The following CRADD variants were observed in gnomAD, a reference collection of about 807,000 sequenced individuals.
CRADD encodes the protein CARD and death domain containing adaptor protein, also known as death domain-containing protein CRADD.
A neutral mutation model predicts 15.5 loss-of-function variants in CRADD; 9 were observed. The ratio of observed to expected loss-of-function variants is 0.58; its 90% CI spans 0.35 to 1.01. The LOEUF (loss-of-function observed/expected upper bound fraction) is 1.01, where lower values mean the gene tolerates loss of function less well. Among genes scored for constraint, CRADD ranks in the 50% least tolerant of loss-of-function variants. The probability of loss-of-function intolerance (pLI) is 0.02; values close to 1 mark genes in which losing one functional copy is unlikely to be tolerated. For synonymous variants in CRADD, 118 were observed against 107.6 expected, an observed-to-expected ratio of 1.10 and a Z score of -0.60; for missense variants, 227 against 250.3, an observed-to-expected ratio of 0.91 and a Z score of 0.63.
At chr12:93,842,827 A>C (rs1382928625) in intron 2 of CRADD, among the ~76,000 whole-genome samples, 1 of 119,008 alleles carries the variant, frequency 8.4e-6, no homozygotes. Flanking sequence ...GGTGGGGGAG[A>C]GTAGGGGGAG....
chr12:93,677,789 C>G (rs764758359), intron 1 of CRADD: 1 of 152,348 alleles, frequency 6.6e-6, no homozygotes, highest in Non-Finnish European at 1.5e-5. Flanking sequence ...ACGTGAACAC[C>G]TCCCCTCCTC....
chr12:93,796,685 A>G (rs1447765808), intron 2 of CRADD, among the ~76,000 whole-genome samples: 1 of 151,462 alleles, frequency 6.6e-6, no homozygotes, highest in South Asian at 2.1e-4. Flanking sequence ...AAACATTTCT[A>G]TGGGGCTAGA....
chr12:93,733,432 A>C (rs1956505424), intron 2 of CRADD: 1 of 152,292 alleles, frequency 6.6e-6, no homozygotes, highest in Admixed American at 6.5e-5. Context: ...GAGGAAGAAG[A>C]AGCAGGAAAA....
chr12:93,866,106 A>G (rs1409486118), intron 2 of CRADD, among the ~76,000 whole-genome samples: 3 of 152,168 alleles, frequency 2.0e-5, no homozygotes, highest in Admixed American at 2.0e-4. Flanking sequence ...AAATTTCACA[A>G]TGATATGTTT....
At chr12:93,694,451 A>G (rs1955651884) in intron 2 of CRADD, among the ~76,000 whole-genome samples, 1 of 152,140 alleles carries the variant, frequency 6.6e-6, no homozygotes, top group Non-Finnish European at 1.5e-5. Flanking sequence ...ACTCAACATA[A>G]TACTGGAGGT....
intron 2 of CRADD, among the ~76,000 whole-genome samples, chr12:93,775,204 A>G (rs1243898037): frequency 6.6e-6 from 1 of 152,246 alleles, no homozygotes; most frequent in Non-Finnish European, 1.5e-5. Context: ...CCTTCCAGAT[A>G]CAGCTCAAAC....
At chr12:93,741,222 A>G (rs2136928381) in intron 2 of CRADD, among the ~76,000 whole-genome samples, 1 of 152,338 alleles carries the variant, frequency 6.6e-6, no homozygotes, top group South Asian at 2.1e-4. Context: ...CATTGCTTTA[A>G]GATGAGTTTT....
At chr12:93,840,851 C>A (rs1279385394) in intron 2 of CRADD, among the ~76,000 whole-genome samples, 1 of 152,094 alleles carries the variant, frequency 6.6e-6, no homozygotes, top group East Asian at 1.9e-4. Flanking sequence ...TTCTTTATAG[C>A]ACTGGTCAGG....
At chr12:93,834,531 C>T (rs1226567810) in intron 2 of CRADD, among the ~76,000 whole-genome samples, 2 of 152,084 alleles carry the variant, frequency 1.3e-5, no homozygotes, top group African/African-American at 2.4e-5. Flanking sequence ...TTTTGTTACC[C>T]AGGCTGGACT....
chr12:93,846,469 G>GTT (rs1958117709), intron 2 of CRADD: 1 of 151,730 alleles, frequency 6.6e-6, no homozygotes, highest in African/African-American at 2.4e-5. Context: ...GTTTTGTTTT[G>GTT]TTTTGTTTTG....
chr12:93,875,747 A>G (rs1348453952), intron 2 of CRADD, among the ~76,000 whole-genome samples: 1 of 152,096 alleles, frequency 6.6e-6, no homozygotes, highest in Non-Finnish European at 1.5e-5. Flanking sequence ...TGTTCTATTT[A>G]TATCTTATTG....
intron 2 of CRADD, among the ~76,000 whole-genome samples, chr12:93,797,486 C>G (rs1957432188): frequency 6.6e-6 from 1 of 152,130 alleles, no homozygotes. Flanking sequence ...AACATCATCC[C>G]TCACCAAAAT....
intron 2 of CRADD, among the ~76,000 whole-genome samples, chr12:93,707,299 G>T (rs1199607969): frequency 6.6e-6 from 1 of 152,174 alleles, no homozygotes; most frequent in Admixed American, 6.5e-5. Flanking sequence ...AAAACTTGGT[G>T]CCTTAAAATA....
At position 93,817,105 on chromosome 12, in the gene CRADD, G is replaced by A. The variant is rs776211183; in HGVS notation, c.299-32865G>A. Among the ~76,000 whole-genome samples the A allele has an allele frequency of 2.0e-5, 3 of 151,632 alleles. No individual in the cohort carries two copies. The East Asian group carries it at 5.8e-4, about 29-fold the overall frequency. On this transcript the variant is annotated intron_variant, in intron 2 of 2. Coordinates refer to ENST00000332896, the MANE Select transcript of CRADD (RefSeq NM_003805.5). The stretch of plus-strand genomic sequence containing the variant: ...TCTTAATCTCATTTGGCTCATTCAT[G>A]GTGCACAAATATAAAAGGTATTAGA...
intron 2 of CRADD, among the ~76,000 whole-genome samples, chr12:93,816,266 G>C (rs1957695382): frequency 6.6e-6 from 1 of 152,078 alleles, no homozygotes; most frequent in Admixed American, 6.6e-5. Context: ...GCCCAGGCTG[G>C]AGTGCAGTGG....
In CRADD at chr12:93,745,438, T is replaced by C. The variant is rs78323797; in HGVS notation, c.298+66366T>C. On this transcript the variant is annotated intron_variant, in intron 2 of 2. Transcript: ENST00000332896. The stretch of plus-strand genomic sequence containing the variant: ...CCACTTCCTTTTAGTAACTCCAATG[T>C]CTTCCAGTAACTCTAGCAAGGAGGA... Among the ~76,000 whole-genome samples the C allele has an allele frequency of 2.8e-4, 43 of 152,348 alleles. No individual in the cohort carries two copies. In the East Asian group the frequency reaches 7.7e-3, roughly 27 times the overall value.
intron 2 of CRADD, among the ~76,000 whole-genome samples, chr12:93,825,620 C>T (rs1957815115): frequency 6.6e-6 from 1 of 152,168 alleles, no homozygotes; most frequent in Non-Finnish European, 1.5e-5. Flanking sequence ...AATGACTTCT[C>T]TTATTTCTCT....
At chr12:93,792,459 G>A (rs1042222065) in intron 2 of CRADD, among the ~76,000 whole-genome samples, 4 of 152,066 alleles carry the variant, frequency 2.6e-5, no homozygotes, top group Non-Finnish European at 2.9e-5. Context: ...GTTATATTAC[G>A]GGTTAAATGG....
At chr12:93,795,899 A>G (rs996416384) in intron 2 of CRADD, among the ~76,000 whole-genome samples, 3 of 152,206 alleles carry the variant, frequency 2.0e-5, no homozygotes, top group Middle Eastern at 3.2e-3. Context: ...GAGACACACT[A>G]GGGATGTCCC....
Sources: allele counts gnomAD v4.1 joint callset (sites outside exome capture counted in the v4.1 genomes callset), GRCh38; gene constraint gnomAD v4.1.1; transcripts MANE v1.5; gene names NCBI Gene and HGNC (gene_info 2026-07-23, HGNC 2026-07-21).